The following WDR64 variants were observed in gnomAD, a reference collection of about 807,000 sequenced individuals.
WDR64 encodes WD repeat-containing protein 64.
In WDR64, 112 loss-of-function variants were observed where a neutral mutation model predicts 139.3. The observed-to-expected ratio is 0.80, with a 90% CI of 0.69 to 0.94. The LOEUF (loss-of-function observed/expected upper bound fraction) is 0.94. Ranked by LOEUF, WDR64 falls within the 40% of genes least tolerant of loss-of-function variation. The pLI, the probability that WDR64 is intolerant of heterozygous loss-of-function variation, is 0.00. For synonymous variants in WDR64, 444 were observed against 437.7 expected, an observed-to-expected ratio of 1.01 and a Z score of -0.18; for missense variants, 1,206 against 1,293.1, an observed-to-expected ratio of 0.93 and a Z score of 1.03.
intron 3 of WDR64, among the ~76,000 whole-genome samples, chr1:241,671,929 T>C (rs1181204891): frequency 6.6e-6 from 1 of 152,138 alleles, no homozygotes; most frequent in Non-Finnish European, 1.5e-5. Flanking sequence ...TCCTGGCACT[T>C]TGAGGAGGTC....
At chr1:241,744,581 C>T in intron 13 of WDR64, 65 bp downstream of exon 13, 1 of 1,597,830 alleles carries the variant, frequency 6.3e-7, no homozygotes, top group Non-Finnish European at 8.5e-7. Flanking sequence ...GCCAAAAACT[C>T]TTTCGTTCTT....
chr1:241,802,630 T>C lies in WDR64; in HGVS notation c.*1415T>C, dbSNP rs145533101. On this transcript the variant is annotated 3_prime_UTR_variant, in exon 28 of 28. Transcript: ENST00000437684. ...GGATTACTAGTGTCTTCCACTTACT[T>C]TGAAATGAATCAAAAAAATAAGATG... Among the ~76,000 whole-genome samples, 146 of 152,310 alleles carry C rather than the reference T, an allele frequency of 9.6e-4. 1 individual carries two copies. Among genetic ancestry groups the C allele is most frequent in the African/African-American group, 3.4e-3 (143 of 41,570 alleles).
intron 25 of WDR64, among the ~76,000 whole-genome samples, chr1:241,794,148 T>C (rs1382636048): frequency 6.6e-6 from 1 of 150,414 alleles, no homozygotes; most frequent in Non-Finnish European, 1.5e-5. Context: ...GCCATTGCAC[T>C]CCAGCCTGGG....
chr1:241,741,659 A>C lies in WDR64; in HGVS notation c.1465A>C (p.Ile489Leu). The change falls in exon 12 of 28, where the codon ATT (isoleucine) becomes CTT (leucine). Residue 489 changes from isoleucine (I) to leucine (L), a missense_variant. Transcript: ENST00000437684. ...ACTCACTATCTGCTCTGAATCCATAATTAGGGTAAGTACCTATTGGCTTTT... is the reference window on the plus strand; with the variant it reads ...ACTCACTATCTGCTCTGAATCCATACTTAGGGTAAGTACCTATTGGCTTTT... ...QVLTICSESI[I>L]RVWELETGLQ... 1 of 1,606,282 alleles carries C rather than the reference A, an allele frequency of 6.2e-7. No individual in the cohort carries two copies. Among genetic ancestry groups the C allele is most frequent in the Non-Finnish European group, 8.5e-7 (1 of 1,178,384 alleles).
rs549747241 is a variant in WDR64, at chr1:241,736,148, G to T, written c.1195-2215G>T. Among the ~76,000 whole-genome samples the T allele has an allele frequency of 1.8e-3, 279 of 152,154 alleles. 6 individuals are homozygous for T. The South Asian group carries it at 0.019, about 10-fold the overall frequency. On this transcript the variant is annotated intron_variant, in intron 10 of 27. Transcript: ENST00000437684. Reference sequence around the variant, plus strand: ...TGGAGCCCAGGCATGGAGGTCTTCTGGTCCTGTCTGTCTGCAGAAGCTGCT... The same window carrying T: ...TGGAGCCCAGGCATGGAGGTCTTCTTGTCCTGTCTGTCTGCAGAAGCTGCT...
intron 16 of WDR64, among the ~76,000 whole-genome samples, chr1:241,769,190 G>T (rs1658321594): frequency 6.6e-6 from 1 of 152,082 alleles, no homozygotes; most frequent in Non-Finnish European, 1.5e-5. Flanking sequence ...CAGGTTAGTT[G>T]AATTAAAAGA....
At chr1:241,778,404 G>T (rs914834825) in intron 21 of WDR64, among the ~76,000 whole-genome samples, 6 of 152,240 alleles carry the variant, frequency 3.9e-5, no homozygotes, top group African/African-American at 1.4e-4. Context: ...TTTAAAGTAG[G>T]TTTTTATACA....
intron 8 of WDR64, among the ~76,000 whole-genome samples, chr1:241,701,972 GA>G (rs1227778723): frequency 3.2e-4 from 48 of 152,136 alleles, no homozygotes; most frequent in African/African-American, 1.1e-3. Flanking sequence ...AAGAAGACAG[GA>G]AAAAAATCCT....
At chr1:241,742,160 G>C (rs1338787778) in intron 12 of WDR64, among the ~76,000 whole-genome samples, 1 of 152,182 alleles carries the variant, frequency 6.6e-6, no homozygotes, top group Admixed American at 6.5e-5. Flanking sequence ...AGGGCTTAGA[G>C]AGATCAAGCA....
chr1:241,741,790 T>C, intron 12 of WDR64, 126 bp downstream of exon 12: 1 of 1,045,526 alleles, frequency 9.6e-7, no homozygotes, highest in South Asian at 2.2e-5. Context: ...TACATTAGAA[T>C]GATTTTTAAG....
At chr1:241,666,628 T>C (rs775708469) in intron 2 of WDR64, among the ~76,000 whole-genome samples, 38 of 152,322 alleles carry the variant, frequency 2.5e-4, no homozygotes, top group Admixed American at 7.2e-4. Context: ...TGCACAGTTT[T>C]AAATTAGCGA....
intron 18 of WDR64, among the ~76,000 whole-genome samples, chr1:241,770,995 A>G (rs759099421): frequency 8.5e-5 from 13 of 152,244 alleles, no homozygotes; most frequent in South Asian, 2.1e-4. Context: ...AAAAGTAAGT[A>G]ATTTTAGACC....
intron 11 of WDR64, 105 bp downstream of exon 11, chr1:241,738,594 G>A (rs1171515133): frequency 8.5e-7 from 1 of 1,173,512 alleles, no homozygotes; most frequent in African/African-American, 1.6e-5. Flanking sequence ...AACTAGAAGG[G>A]TAATTTATCA....
intron 10 of WDR64, among the ~76,000 whole-genome samples, chr1:241,729,827 T>C (rs1669009967): frequency 4.6e-5 from 7 of 151,580 alleles, no homozygotes; most frequent in Admixed American, 4.6e-4. Flanking sequence ...TATGGGATTA[T>C]CATAAATGAT....
intron 25 of WDR64, among the ~76,000 whole-genome samples, chr1:241,794,436 T>C (rs1659297785): frequency 6.6e-6 from 1 of 151,460 alleles, no homozygotes; most frequent in Admixed American, 6.6e-5. Flanking sequence ...TTTGGAGAAA[T>C]CTTTAGAATG....
At chr1:241,711,218 C>G (rs1309460406) in intron 8 of WDR64, among the ~76,000 whole-genome samples, 1 of 124,104 alleles carries the variant, frequency 8.1e-6, no homozygotes, top group African/African-American at 3.1e-5. Flanking sequence ...GCCTGGGTGA[C>G]AAAACGAGAC....
intron 10 of WDR64, among the ~76,000 whole-genome samples, chr1:241,724,955 GA>G (rs1212677028): frequency 6.6e-6 from 1 of 152,072 alleles, no homozygotes; most frequent in Non-Finnish European, 1.5e-5. Flanking sequence ...ATCTAGTGCC[GA>G]AGTGTGGTCA....
chr1:241,692,090 T>C (rs554048961), intron 8 of WDR64, among the ~76,000 whole-genome samples: 3 of 148,646 alleles, frequency 2.0e-5, no homozygotes, highest in South Asian at 4.2e-4. Context: ...AATACTTAGG[T>C]ATAAGTCTAA....
chr1:241,790,499 TG>T, intron 24 of WDR64, 91 bp from the exon 25 acceptor site: 1 of 1,030,316 alleles, frequency 9.7e-7, no homozygotes, highest in Non-Finnish European at 1.4e-6. Flanking sequence ...CCAAGAAATG[TG>T]GGCACCAGAG....
Sources: allele counts gnomAD v4.1 joint callset (sites outside exome capture counted in the v4.1 genomes callset), GRCh38; gene constraint gnomAD v4.1.1; transcripts MANE v1.5; gene names NCBI Gene and HGNC (gene_info 2026-07-23, HGNC 2026-07-21).